The following TBX15 variants were observed in gnomAD, a reference collection of about 807,000 sequenced individuals.
TBX15 encodes the protein T-box transcription factor 15.
A neutral mutation model predicts 53.9 loss-of-function variants in TBX15; 18 were observed. The observed-to-expected ratio is 0.33, with a 90% CI of 0.23 to 0.49. The LOEUF (loss-of-function observed/expected upper bound fraction) is 0.49, where lower values mean the gene tolerates loss of function less well. Ranked by LOEUF, TBX15 falls within the 20% of genes least tolerant of loss-of-function variation. The probability of loss-of-function intolerance (pLI) is 0.98; values close to 1 mark genes in which losing one functional copy is unlikely to be tolerated. For missense variants in TBX15, 692 were observed against 749.5 expected, an observed-to-expected ratio of 0.92 and a Z score of 0.90; for synonymous variants, 295 against 278.0, an observed-to-expected ratio of 1.06 and a Z score of -0.61.
intron 7 of TBX15, among the ~76,000 whole-genome samples, chr1:118,885,930 G>A (rs1008818311): frequency 5.9e-5 from 9 of 152,120 alleles, no homozygotes; most frequent in African/African-American, 2.2e-4. Flanking sequence ...ATTCTTAATG[G>A]AAATGCATTA....
At chr1:118,898,085 T>G (rs1380087334) in intron 7 of TBX15, among the ~76,000 whole-genome samples, 1 of 152,232 alleles carries the variant, frequency 6.6e-6, no homozygotes, top group Admixed American at 6.5e-5. Flanking sequence ...TATTTGATTC[T>G]ACTTTTCCAA....
rs1473597880 is a variant in TBX15, at chr1:118,987,836, C to A, written c.-41G>T. 1.4e-5 allele frequency: 21 copies of A among 1,543,626 alleles called. No individual in the cohort carries two copies. The East Asian group carries it at 4.9e-4, about 36-fold the overall frequency. ...CCCTGCCTCCGCTTGCCCCCGCTAC[C>A]GAGGGAGCAGCCGGCGCCCTCAAGC... is the stretch of plus-strand genomic sequence containing the variant. On this transcript the variant is annotated 5_prime_UTR_variant, in exon 1 of 8. Coordinates refer to ENST00000369429, the MANE Select transcript of TBX15 (RefSeq NM_001330677.2).
chr1:118,911,587 T>C (rs976531216), intron 6 of TBX15, among the ~76,000 whole-genome samples: 6 of 152,110 alleles, frequency 3.9e-5, no homozygotes, highest in Non-Finnish European at 7.4e-5. Context: ...GATGCAACAG[T>C]CTAATTCTCA....
At chr1:118,949,251 C>A (rs939176596) in intron 1 of TBX15, among the ~76,000 whole-genome samples, 1 of 152,160 alleles carries the variant, frequency 6.6e-6, no homozygotes, top group Non-Finnish European at 1.5e-5. Flanking sequence ...GTCACAATAT[C>A]CCTCTTACAT....
At position 118,947,012 on chromosome 1, in the gene TBX15, C is replaced by T. The variant is rs147116655; in HGVS notation, c.206-15180G>A. On this transcript the variant is annotated intron_variant, in intron 1 of 7. Transcript: ENST00000369429. ...AGCAAGTCTGCTGTTGCGGGACTTG[C>T]AGTCCAATCCCCTCACTGGGGATGT... Among the ~76,000 whole-genome samples the T allele has an allele frequency of 5.3e-5, 8 of 152,336 alleles. No individual in the cohort carries two copies. The East Asian group carries it at 1.5e-3, about 29-fold the overall frequency.
intron 2 of TBX15, among the ~76,000 whole-genome samples, chr1:118,927,006 G>A (rs1157377531): frequency 2.0e-5 from 3 of 152,124 alleles, no homozygotes; most frequent in African/African-American, 4.8e-5. Flanking sequence ...TTACAGGTGT[G>A]AGCCAATGCA....
intron 7 of TBX15, among the ~76,000 whole-genome samples, chr1:118,897,108 T>C (rs1460056697): frequency 6.6e-6 from 1 of 152,174 alleles, no homozygotes; most frequent in African/African-American, 2.4e-5. Context: ...TACTGGTAAA[T>C]TTTTAGTATA....
At position 118,987,678 on chromosome 1, in the gene TBX15, G is replaced by A. The variant is rs949811460; in HGVS notation, c.118C>T (p.Leu40=). Reference sequence around the variant, plus strand: ...CTCAGCGCCTCCATAGACAGGTCCAGCCCCTTCTCCTCCCAGTCTCGCAGT... The same window carrying A: ...CTCAGCGCCTCCATAGACAGGTCCAACCCCTTCTCCTCCCAGTCTCGCAGT... ...RKLRDWEEKG[L]DLSMEALSPA... Residue 40 remains leucine (L), a synonymous_variant, in exon 1 of 8, where the codon CTG becomes TTG. Transcript: ENST00000369429. 5.1e-5 allele frequency: 79 copies of A among 1,550,368 alleles called. No individual in the cohort carries two copies. Among genetic ancestry groups the A allele is most frequent in the Admixed American group, 4.7e-4 (24 of 51,012 alleles).
intron 3 of TBX15, among the ~76,000 whole-genome samples, chr1:118,925,969 G>A (rs1447158045): frequency 2.6e-5 from 4 of 152,016 alleles, no homozygotes; most frequent in Non-Finnish European, 4.4e-5. Context: ...GACTATGTTG[G>A]CTTTTAATCA....
chr1:118,924,501 AC>A (rs772300361), intron 4 of TBX15, 144 bp downstream of exon 4: 55 of 968,838 alleles, frequency 5.7e-5, no homozygotes, highest in Admixed American at 2.9e-4. Context: ...CTGGAAAAAA[AC>A]ACTTTTATGC....
At chr1:118,975,272 T>C (rs1657387042) in intron 1 of TBX15, among the ~76,000 whole-genome samples, 1 of 152,104 alleles carries the variant, frequency 6.6e-6, no homozygotes, top group South Asian at 2.1e-4. Flanking sequence ...AACAACCCTA[T>C]ATCACTGCCA....
At chr1:118,952,761 G>T (rs898742962) in intron 1 of TBX15, among the ~76,000 whole-genome samples, 1 of 152,152 alleles carries the variant, frequency 6.6e-6, no homozygotes, top group Non-Finnish European at 1.5e-5. Context: ...GACTCAGAAA[G>T]CTAATAAGGA....
intron 1 of TBX15, among the ~76,000 whole-genome samples, chr1:118,976,299 C>CTTG (rs1003609221): frequency 2.0e-5 from 3 of 151,990 alleles, no homozygotes; most frequent in South Asian, 2.1e-4. Flanking sequence ...TTCTTTTATT[C>CTTG]TTGTTGTTGT....
At chr1:118,894,847 C>T (rs1194079198) in intron 7 of TBX15, among the ~76,000 whole-genome samples, 1 of 151,986 alleles carries the variant, frequency 6.6e-6, no homozygotes. Context: ...TGAGATGCTC[C>T]CTACCCCCTA....
chr1:118,980,218 TC>T (rs1003308184), intron 1 of TBX15, among the ~76,000 whole-genome samples: 3 of 152,126 alleles, frequency 2.0e-5, no homozygotes, highest in Admixed American at 2.0e-4. Flanking sequence ...GTTAACTGCT[TC>T]CCGGACCCTA....
At chr1:118,892,272 G>T (rs1654172624) in intron 7 of TBX15, among the ~76,000 whole-genome samples, 1 of 152,124 alleles carries the variant, frequency 6.6e-6, no homozygotes, top group African/African-American at 2.4e-5. Flanking sequence ...AAAAATGCTG[G>T]AAACTTTTCA....
rs771021441 is a variant in TBX15 at position 118,885,382 on chromosome 1, G to A, written c.1159C>T (p.Arg387Ter). 3 of 1,613,912 alleles carry A rather than the reference G, an allele frequency of 1.9e-6. No homozygotes were observed. Among genetic ancestry groups the A allele is most frequent in the Non-Finnish European group, 2.5e-6 (3 of 1,180,004 alleles). Residue 387 changes from arginine (R) to a stop codon, truncating the protein, a stop_gained, in exon 8 of 8, where the codon CGA (arginine) becomes TGA (stop). Coordinates refer to ENST00000369429, the MANE Select transcript of TBX15 (RefSeq NM_001330677.2). LOFTEE classifies it high-confidence loss of function. ...TTTAGATTACACAGCTGGCTTTCTC[G>A]GCAGCCCACATTGAAAGTGTTGGGG... Reference protein sequence around the residue: ...LAPNTFNVGCRESQLCNLNLS... With the variant: ...LAPNTFNVGC
At chr1:118,938,923 G>A (rs1656053804) in intron 1 of TBX15, among the ~76,000 whole-genome samples, 1 of 152,102 alleles carries the variant, frequency 6.6e-6, no homozygotes, top group South Asian at 2.1e-4. Context: ...ACATGCATTT[G>A]TATGTTCATT....
At chr1:118,978,566 T>C (rs1036802894) in intron 1 of TBX15, among the ~76,000 whole-genome samples, 1 of 152,170 alleles carries the variant, frequency 6.6e-6, no homozygotes, top group African/African-American at 2.4e-5. Context: ...GGTTCCAACA[T>C]CAATTTCAAA....
Sources: gnomAD v4.1 joint callset for allele counts (sites outside exome capture counted in the v4.1 genomes callset) on GRCh38, gnomAD v4.1.1 for gene constraint, MANE v1.5 for transcripts, NCBI Gene and HGNC (gene_info 2026-07-23, HGNC 2026-07-21) for gene names.